The following AFF3 variants were observed in gnomAD, a reference collection of about 807,000 sequenced individuals.
AFF3 encodes the protein AF4/FMR2 family member 3.
AFF3 carries 32 observed loss-of-function variants against 129.7 expected under a neutral mutation model. The observed-to-expected ratio is 0.25, with a 90% confidence interval of 0.19 to 0.33. The LOEUF (loss-of-function observed/expected upper bound fraction) is 0.33. Ranked by LOEUF, AFF3 falls within the 10% of genes least tolerant of loss-of-function variation. The pLI, the probability that AFF3 is intolerant of heterozygous loss-of-function variation, is 1.00. For synonymous variants in AFF3, 644 were observed against 635.4 expected, an observed-to-expected ratio of 1.01 and a Z score of -0.20; for missense variants, 1,373 against 1,592.0, an observed-to-expected ratio of 0.86 and a Z score of 2.34.
At chr2:99,598,972 G>A (rs1679552294) in intron 14 of AFF3, among the ~76,000 whole-genome samples, 1 of 152,234 alleles carries the variant, frequency 6.6e-6, no homozygotes, top group Admixed American at 6.5e-5. Context: ...CCTGCAGAAA[G>A]AACGAACGTG....
rs187268228 is a variant in AFF3 at position 99,709,443 on chromosome 2, C to T, written c.1091+17634G>A. On this transcript the variant is annotated intron_variant, in intron 11 of 24. Transcript: ENST00000672756. ...CAGTAAGTTTTAGGGGTGAAGATCA[C>T]GTGATCTAGCCCAAACTATCAATAG... is the stretch of plus-strand genomic sequence containing the variant. Among the ~76,000 whole-genome samples the T allele has an allele frequency of 2.6e-5, 4 of 152,230 alleles. No homozygotes were observed. In the East Asian group the frequency reaches 7.7e-4, roughly 29 times the overall value.
At chr2:99,581,217 T>C (rs1575417063) in intron 17 of AFF3, among the ~76,000 whole-genome samples, 1 of 152,256 alleles carries the variant, frequency 6.6e-6, no homozygotes. Context: ...AATTGGTTTA[T>C]AGTTCTCTGC....
chr2:99,869,100 A>C (rs558297416), intron 7 of AFF3, among the ~76,000 whole-genome samples: 1 of 152,256 alleles, frequency 6.6e-6, no homozygotes, highest in South Asian at 2.1e-4. Flanking sequence ...CCCAGCAAAC[A>C]GTCCTATTTT....
At chr2:99,659,133 G>C (rs1482679763) in intron 12 of AFF3, among the ~76,000 whole-genome samples, 1 of 152,244 alleles carries the variant, frequency 6.6e-6, no homozygotes, top group Non-Finnish European at 1.5e-5. Flanking sequence ...CTGGGTAGGA[G>C]CGAACATCGC....
At chr2:99,815,674 T>G (rs576687624) in intron 8 of AFF3, among the ~76,000 whole-genome samples, 1 of 152,284 alleles carries the variant, frequency 6.6e-6, no homozygotes, top group Non-Finnish European at 1.5e-5. Context: ...CTGAAGCATA[T>G]TTTTGCTGTG....
intron 13 of AFF3, among the ~76,000 whole-genome samples, chr2:99,624,837 G>C (rs1682384523): frequency 6.6e-6 from 1 of 152,222 alleles, no homozygotes; most frequent in Non-Finnish European, 1.5e-5. Flanking sequence ...TGGCAGTCTC[G>C]TGTCTGCCCT....
intron 8 of AFF3, among the ~76,000 whole-genome samples, chr2:99,781,320 G>GCCTTATTTTT (rs1335436430): frequency 2.6e-5 from 4 of 151,978 alleles, no homozygotes; most frequent in Admixed American, 6.6e-5. Flanking sequence ...CCCTCACCTT[G>GCCTTATTTTT]CCTTATTTTT....
intron 2 of AFF3, among the ~76,000 whole-genome samples, chr2:100,121,994 G>A (rs1179099100): frequency 1.1e-4 from 16 of 152,314 alleles, no homozygotes; most frequent in African/African-American, 2.2e-4. Context: ...CCCGGGAAGC[G>A]GAGCTTGCAG....
intron 8 of AFF3, among the ~76,000 whole-genome samples, chr2:99,831,242 A>G (rs1688499879): frequency 6.6e-6 from 1 of 152,268 alleles, no homozygotes; most frequent in Admixed American, 6.5e-5. Flanking sequence ...CTTCTTAATT[A>G]GCATTCTAAA....
intron 2 of AFF3, among the ~76,000 whole-genome samples, chr2:100,126,825 T>C (rs1286504752): frequency 6.6e-6 from 1 of 152,256 alleles, no homozygotes; most frequent in East Asian, 1.9e-4. Flanking sequence ...CTCATTTCTG[T>C]TTCCAATAAT....
intron 13 of AFF3, among the ~76,000 whole-genome samples, chr2:99,609,451 G>C (rs1342915664): frequency 4.0e-5 from 6 of 151,236 alleles, no homozygotes; most frequent in Non-Finnish European, 7.4e-5. Context: ...TCACAGCTTA[G>C]CTCCCACTTA....
chr2:99,607,237 A>G (rs1233863578), intron 13 of AFF3, among the ~76,000 whole-genome samples: 2 of 152,044 alleles, frequency 1.3e-5, no homozygotes, highest in Admixed American at 1.3e-4. Flanking sequence ...AGATCATAAA[A>G]GAAAAGATCT....
intron 12 of AFF3, among the ~76,000 whole-genome samples, chr2:99,661,390 C>A (rs535296172): frequency 3.9e-5 from 6 of 152,306 alleles, no homozygotes; most frequent in Admixed American, 1.3e-4. Flanking sequence ...AAATGTAGAT[C>A]CTTTTATGAA....
chr2:99,847,732 C>T (rs1369415978), intron 7 of AFF3, among the ~76,000 whole-genome samples: 1 of 151,970 alleles, frequency 6.6e-6, no homozygotes, highest in East Asian at 1.9e-4. Context: ...AACGTCTCAG[C>T]AGTGACTGCT....
intron 7 of AFF3, among the ~76,000 whole-genome samples, chr2:99,893,825 T>A (rs1483320878): frequency 6.6e-6 from 1 of 152,214 alleles, no homozygotes; most frequent in Admixed American, 6.5e-5. Context: ...TATTTGAAAT[T>A]TTTATCTATC....
intron 9 of AFF3, among the ~76,000 whole-genome samples, chr2:99,746,820 T>G (rs1315954663): frequency 1.3e-5 from 2 of 152,148 alleles, no homozygotes; most frequent in African/African-American, 4.8e-5. Context: ...GAAAATACTT[T>G]GAGTCCCATT....
At chr2:99,668,713 C>T (rs569539344) in intron 12 of AFF3, among the ~76,000 whole-genome samples, 9,007 of 151,970 alleles carry the variant, frequency 0.059, 874 homozygotes, top group African/African-American at 0.2. Flanking sequence ...CAGGCACATG[C>T]ACCACGCCTG....
intron 4 of AFF3, among the ~76,000 whole-genome samples, chr2:100,074,075 G>A (rs1053593665): frequency 1.3e-5 from 2 of 152,174 alleles, no homozygotes; most frequent in East Asian, 1.9e-4. Context: ...TTGTAACTCA[G>A]CCACGGACCC....
intron 16 of AFF3, among the ~76,000 whole-genome samples, chr2:99,584,669 C>G (rs1186234694): frequency 6.6e-6 from 1 of 152,114 alleles, no homozygotes; most frequent in Non-Finnish European, 1.5e-5. Context: ...GCCTCTATTA[C>G]TTAAAAGTAT....
Sources: gnomAD v4.1 joint callset for allele counts (sites outside exome capture counted in the v4.1 genomes callset) on GRCh38, gnomAD v4.1.1 for gene constraint, MANE v1.5 for transcripts, NCBI Gene and HGNC (gene_info 2026-07-23, HGNC 2026-07-21) for gene names.